The following PIK3R3 variants were observed in gnomAD, a reference collection of about 807,000 sequenced individuals.
PIK3R3 encodes phosphoinositide-3-kinase regulatory subunit 3.
A neutral mutation model predicts 62.9 loss-of-function variants in PIK3R3; 64 were observed. The ratio of observed to expected loss-of-function variants is 1.02; its 90% CI spans 0.83 to 1.25. The LOEUF (loss-of-function observed/expected upper bound fraction) is 1.25. Ranked by LOEUF, PIK3R3 falls within the 50% of genes most tolerant of loss-of-function variation. The pLI, the probability that PIK3R3 is intolerant of heterozygous loss-of-function variation, is 0.00. For synonymous variants in PIK3R3, 165 were observed against 189.0 expected (o/e 0.87, Z 1.04); for missense variants, 614 against 561.6 (o/e 1.09, Z -0.94).
chr1:46,061,861 CAG>C lies in PIK3R3; in HGVS notation c.764+66_764+67del. On this transcript the variant is annotated intron_variant, in intron 6 of 9. Coordinates refer to ENST00000262741, the MANE Select transcript of PIK3R3 (RefSeq NM_003629.4). Reference sequence around the variant, plus strand: ...TTTGAGGGGGTAAAAGAAAACAAGACAGAAATTATTGGGGAAGAAAAGAAATC... The same window carrying C: ...TTTGAGGGGGTAAAAGAAAACAAGACAAATTATTGGGGAAGAAAAGAAATC... The C allele has an allele frequency of 6.8e-6, 10 of 1,467,300 alleles. No individual in the cohort carries two copies. In the South Asian group the frequency reaches 9.3e-5, roughly 14 times the overall value. The allele number at this position is 1,467,300 out of a possible 1,614,324, so 90.9% of individuals were successfully genotyped here. A position where few individuals can be genotyped will look rare whatever the true frequency, so the allele number is the denominator to read the frequency against.
At chr1:46,090,312 T>TTTTATTTA (rs34068212) in intron 1 of PIK3R3, among the ~76,000 whole-genome samples, 65 of 148,572 alleles carry the variant, frequency 4.4e-4, no homozygotes, top group African/African-American at 1.3e-3. Context: ...ACGCAGTCTT[T>TTTTATTTA]TTTATTTATT....
chr1:46,161,900 G>A, the PIK3R3 span, among the ~76,000 whole-genome samples: 6 of 151,064 alleles, frequency 4.0e-5, no homozygotes, highest in Admixed American at 6.6e-5. Flanking sequence ...AGACCATCCT[G>A]GCTAACATGG....
chr1:46,071,968 G>A (rs1193053224), intron 3 of PIK3R3, among the ~76,000 whole-genome samples: 1 of 151,658 alleles, frequency 6.6e-6, no homozygotes, highest in African/African-American at 2.4e-5. Context: ...ACAGAAAGCA[G>A]CTATAAAATC....
intron 8 of PIK3R3, 46 bp from the exon 9 acceptor site, chr1:46,046,134 C>G: frequency 8.8e-7 from 1 of 1,142,074 alleles, no homozygotes. Flanking sequence ...TTACTTCTAT[C>G]TAAAAGCAAA....
At chr1:46,167,670 G>A in the PIK3R3 span, among the ~76,000 whole-genome samples, 17 of 152,270 alleles carry the variant, frequency 1.1e-4, no homozygotes, top group African/African-American at 4.1e-4. Context: ...GCACCTTGGT[G>A]ACTACTGTGT....
rs561374993 is a variant in PIK3R3 at position 46,045,555 on chromosome 1, T to G, written c.1187+363A>C. Among the ~76,000 whole-genome samples, 22 of 150,968 alleles carry G rather than the reference T, an allele frequency of 1.5e-4. No individual in the cohort carries two copies. The East Asian group carries it at 4.1e-3, about 28-fold the overall frequency. ...TAAAAACAGTTCTATTTAATCAAGC[T>G]TTTCCTAATCTGACACTGGAGACCA... On this transcript the variant is annotated intron_variant, in intron 9 of 9. Transcript: ENST00000262741.
chr1:46,139,841 C>A, the PIK3R3 span, among the ~76,000 whole-genome samples: 3 of 152,220 alleles, frequency 2.0e-5, no homozygotes, highest in Non-Finnish European at 4.4e-5. Flanking sequence ...TGGATCCTAT[C>A]TTCTTTTCCA....
chr1:46,114,321 T>C (rs1435647917), intron 1 of PIK3R3, among the ~76,000 whole-genome samples: 2 of 152,174 alleles, frequency 1.3e-5, no homozygotes, highest in South Asian at 2.1e-4. Context: ...GAAGAGAAAG[T>C]AGATATGCAA....
chr1:46,096,074 G>A (rs1393733796), intron 1 of PIK3R3, among the ~76,000 whole-genome samples: 2 of 152,136 alleles, frequency 1.3e-5, no homozygotes, highest in Admixed American at 1.3e-4. Context: ...GTGAGCCACC[G>A]TGCCCGACAC....
the PIK3R3 span, among the ~76,000 whole-genome samples, chr1:46,161,561 C>T: frequency 2.1e-3 from 320 of 152,196 alleles, 4 homozygotes; most frequent in African/African-American, 7.4e-3. Flanking sequence ...ATTTCACTTC[C>T]AGAAAAAATT....
At chr1:46,087,755 T>A (rs1651228791) in intron 1 of PIK3R3, among the ~76,000 whole-genome samples, 1 of 152,100 alleles carries the variant, frequency 6.6e-6, no homozygotes, top group South Asian at 2.1e-4. Context: ...CCTTATCACT[T>A]CTCAGTGAAG....
At chr1:46,048,198 T>TA (rs1647168149) in intron 7 of PIK3R3, 1 of 152,234 alleles carries the variant, frequency 6.6e-6, no homozygotes, top group African/African-American at 2.4e-5. Context: ...CACATGCACA[T>TA]AGACATTCAA....
intron 5 of PIK3R3, among the ~76,000 whole-genome samples, chr1:46,065,177 A>T (rs1648876256): frequency 6.6e-6 from 1 of 152,218 alleles, no homozygotes. Flanking sequence ...AACTTCTCTG[A>T]AGATATTCAC....
chr1:46,159,195 T>A, the PIK3R3 span, among the ~76,000 whole-genome samples: 1 of 152,232 alleles, frequency 6.6e-6, no homozygotes, highest in Non-Finnish European at 1.5e-5. Context: ...TTTAACTCCA[T>A]AGCACTTATC....
At chr1:46,071,692 T>A (rs1649500100) in intron 3 of PIK3R3, among the ~76,000 whole-genome samples, 2 of 30,308 alleles carry the variant, frequency 6.6e-5, no homozygotes, top group Non-Finnish European at 1.3e-4. Context: ...CAAGACTCTG[T>A]CTCCAAAAAA....
chr1:46,043,526 G>A lies in PIK3R3; in HGVS notation c.*147C>T, dbSNP rs993296093. Reference sequence around the variant, plus strand: ...GGCCTCTAATGCCCCCATCCCGGCCGGCTGCTGCTCGGCCTCTCCACTTCA... The same window carrying A: ...GGCCTCTAATGCCCCCATCCCGGCCAGCTGCTGCTCGGCCTCTCCACTTCA... On this transcript the variant is annotated 3_prime_UTR_variant, in exon 10 of 10. Coordinates refer to ENST00000262741, the MANE Select transcript of PIK3R3 (RefSeq NM_003629.4). The A allele has an allele frequency of 5.4e-5, 37 of 684,532 alleles. No individual in the cohort carries two copies. The East Asian group carries it at 8.5e-4, about 16-fold the overall frequency. 42.4% of individuals were successfully genotyped at this position (684,532 alleles called of 1,614,324 possible).
chr1:46,066,155 T>C lies in PIK3R3; in HGVS notation c.520A>G (p.Ile174Val), dbSNP rs1465152310. The change falls in exon 5 of 10, where the codon ATT becomes GTT. Residue 174 changes from isoleucine to valine, a missense_variant. Transcript: ENST00000262741. ...QQDQLVKEDN[I>V]DAVGKKLQEY... is the part of the protein sequence containing the mutation. ...TGCAGTTTTTTACCTACTGCATCAA[T>C]ATTATCTTCTTTTACCAACTGATCC... The C allele has an allele frequency of 6.3e-6, 10 of 1,579,818 alleles. No homozygotes were observed. The highest frequency in any genetic ancestry group is 7.8e-6 in the Non-Finnish European group (9 of 1,149,622).
At chr1:46,114,017 T>C (rs1653959151) in intron 1 of PIK3R3, among the ~76,000 whole-genome samples, 1 of 152,202 alleles carries the variant, frequency 6.6e-6, no homozygotes, top group Admixed American at 6.5e-5. Context: ...CTTTCATAAT[T>C]ACAGTCTGAG....
At chr1:46,168,645 G>T in the PIK3R3 span, among the ~76,000 whole-genome samples, 1 of 152,182 alleles carries the variant, frequency 6.6e-6, no homozygotes, top group East Asian at 1.9e-4. Context: ...CACCTCCCTT[G>T]GATCAGTTAA....
Sources: allele counts gnomAD v4.1 joint callset (sites outside exome capture counted in the v4.1 genomes callset), GRCh38; gene constraint gnomAD v4.1.1; transcripts MANE v1.5; gene names NCBI Gene and HGNC (gene_info 2026-07-23, HGNC 2026-07-21).